Variants in DYNC1LI2 observed in about 807,000 individuals in gnomAD.
DYNC1LI2 encodes the protein dynein cytoplasmic 1 light intermediate chain 2.
Under a neutral mutation model 57.8 loss-of-function variants are expected in DYNC1LI2, and 19 were observed. The observed-to-expected ratio is 0.33, with a 90% CI of 0.23 to 0.48. The LOEUF (loss-of-function observed/expected upper bound fraction) is 0.48, where lower values mean the gene tolerates loss of function less well. Ranked by LOEUF, DYNC1LI2 falls within the 20% of genes least tolerant of loss-of-function variation. DYNC1LI2 has a pLI of 0.99. For synonymous variants in DYNC1LI2, 256 were observed against 233.4 expected (o/e 1.10, Z -0.88); for missense variants, 470 against 604.2 (o/e 0.78, Z 2.33).
chr16:66,741,881 C>G (rs1053754644), intron 4 of DYNC1LI2, among the ~76,000 whole-genome samples: 4 of 134,626 alleles, frequency 3.0e-5, no homozygotes, highest in Non-Finnish European at 6.2e-5. Flanking sequence ...CTTAAAATAA[C>G]CTTTCATGTT....
chr16:66,743,321 T>G (rs2017874872), intron 3 of DYNC1LI2, among the ~76,000 whole-genome samples: 1 of 152,004 alleles, frequency 6.6e-6, no homozygotes, highest in African/African-American at 2.4e-5. Context: ...CCCTGCACTT[T>G]GGGAGGCTGA....
intron 4 of DYNC1LI2, among the ~76,000 whole-genome samples, chr16:66,742,104 G>A (rs541860324): frequency 6.6e-6 from 1 of 152,224 alleles, no homozygotes; most frequent in African/African-American, 2.4e-5. Flanking sequence ...CACATCCTCT[G>A]ATGTTAACTC....
chr16:66,737,041 G>T (rs1288610193), intron 4 of DYNC1LI2, among the ~76,000 whole-genome samples: 1 of 152,170 alleles, frequency 6.6e-6, no homozygotes, highest in East Asian at 1.9e-4. Flanking sequence ...GGGAGGCCAG[G>T]GCGGGTGGTT....
chr16:66,734,426 G>A, intron 5 of DYNC1LI2, 115 bp from the exon 6 acceptor site: 1 of 956,244 alleles, frequency 1.0e-6, no homozygotes, highest in Non-Finnish European at 1.6e-6. Context: ...CACAGCTCAG[G>A]GTCCAAGCAT....
intron 11 of DYNC1LI2, among the ~76,000 whole-genome samples, chr16:66,727,292 G>A (rs2017553720): frequency 6.6e-6 from 1 of 152,194 alleles, no homozygotes; most frequent in Non-Finnish European, 1.5e-5. Flanking sequence ...GAGTTGACAT[G>A]GGAGGATCAC....
At position 66,723,539 on chromosome 16, in the gene DYNC1LI2, G is replaced by C; in HGVS notation, c.*183C>G. The C allele has an allele frequency of 1.5e-6, 1 of 673,968 alleles. No homozygotes were observed. Among genetic ancestry groups the C allele is most frequent in the Non-Finnish European group, 2.7e-6 (1 of 376,472 alleles). 41.7% of individuals were successfully genotyped at this position (673,968 alleles called of 1,614,324 possible). Reference sequence around the variant, plus strand: ...TTATCCTTAACAAAGGGTCTGACATGTAACCTTCCTAAATGTGCATTTCAC... The same window carrying C: ...TTATCCTTAACAAAGGGTCTGACATCTAACCTTCCTAAATGTGCATTTCAC... On this transcript the variant is annotated 3_prime_UTR_variant, in exon 13 of 13. Transcript: ENST00000258198.
chr16:66,729,291 C>A (rs999376703), intron 8 of DYNC1LI2, among the ~76,000 whole-genome samples, 192 bp from the exon 9 acceptor site: 6 of 152,220 alleles, frequency 3.9e-5, no homozygotes, highest in Non-Finnish European at 7.3e-5. Flanking sequence ...ATGTAGCCAA[C>A]TGGCATTTTT....
chr16:66,745,919 A>C (rs1386881803), intron 3 of DYNC1LI2, among the ~76,000 whole-genome samples: 1 of 152,072 alleles, frequency 6.6e-6, no homozygotes, highest in Non-Finnish European at 1.5e-5. Context: ...AAGAAAAAAA[A>C]TAAAACAAAA....
At chr16:66,730,821 C>T (rs1405427885) in intron 7 of DYNC1LI2, 1 of 152,326 alleles carries the variant, frequency 6.6e-6, no homozygotes, top group Admixed American at 6.5e-5. Context: ...GCCAGCTCAA[C>T]ATCACAGGGT....
At chr16:66,728,941 CTT>C in intron 9 of DYNC1LI2, 97 bp downstream of exon 9, 1 of 1,254,566 alleles carries the variant, frequency 8.0e-7, no homozygotes, top group Non-Finnish European at 1.2e-6. Context: ...ACTGCAAGCT[CTT>C]TGTGACTTCC....
intron 10 of DYNC1LI2, 91 bp from the exon 11 acceptor site, chr16:66,727,896 T>C (rs139828808): frequency 4.0e-5 from 48 of 1,185,368 alleles, no homozygotes; most frequent in Non-Finnish European, 5.6e-5. Context: ...TGAGGGATAT[T>C]TTTCACAGGC....
rs1345886736 is a variant in DYNC1LI2, at chr16:66,734,031, C to G, written c.793+187G>C. On this transcript the variant is annotated intron_variant, in intron 6 of 12. Coordinates refer to ENST00000258198, the MANE Select transcript of DYNC1LI2 (RefSeq NM_006141.3). Reference sequence around the variant, plus strand: ...ACAAACAAACAAATAAATGAGTGATCAAAGGTAGACACAAGTTAATAAACC... The same window carrying G: ...ACAAACAAACAAATAAATGAGTGATGAAAGGTAGACACAAGTTAATAAACC... 1.4e-5 allele frequency: 8 copies of G among 556,260 alleles called. No individual in the cohort carries two copies. The African/African-American group carries it at 1.5e-4, about 11-fold the overall frequency. 34.5% of individuals were successfully genotyped at this position (556,260 alleles called of 1,614,324 possible).
intron 3 of DYNC1LI2, among the ~76,000 whole-genome samples, chr16:66,743,951 A>C (rs985354249): frequency 6.6e-6 from 1 of 152,252 alleles, no homozygotes; most frequent in Non-Finnish European, 1.5e-5. Context: ...TCCTTATGGC[A>C]GTATACATAG....
chr16:66,734,176 G>A, intron 6 of DYNC1LI2, 42 bp downstream of exon 6: 2 of 1,598,016 alleles, frequency 1.3e-6, no homozygotes, highest in Non-Finnish European at 1.7e-6. Context: ...CCATTTGGAA[G>A]AAAGCCTGTG....
chr16:66,749,204 G>A lies in DYNC1LI2; in HGVS notation c.291C>T (p.Asp97=). 1 of 1,614,112 alleles carries A rather than the reference G, an allele frequency of 6.2e-7. No homozygotes were observed. Among genetic ancestry groups the A allele is most frequent in the Non-Finnish European group, 8.5e-7 (1 of 1,179,976 alleles). ...GACCAATGCTTCACTCACCATCTCG[G>A]TCCTCATCATGGACACTGAGGTAGA... The part of the protein sequence containing the change: ...EYLYLSVHDE[D]RDDHTRCNVW... The change falls in exon 3 of 13, where the codon GAC becomes GAT. Residue 97 remains aspartate, a synonymous_variant. Transcript: ENST00000258198.
chr16:66,734,412 A>G lies in DYNC1LI2; in HGVS notation c.700-101T>C, dbSNP rs2017693908. Reference sequence around the variant, plus strand: ...TAAAGTATTGTGGCTCCAAAGAAGAAAGCCACAGCTCAGGGTCCAAGCATT... The same window carrying G: ...TAAAGTATTGTGGCTCCAAAGAAGAGAGCCACAGCTCAGGGTCCAAGCATT... On this transcript the variant is annotated intron_variant, in intron 5 of 12. Transcript: ENST00000258198. 4.4e-6 allele frequency: 5 copies of G among 1,123,924 alleles called. No individual in the cohort carries two copies. In the Admixed American group the frequency reaches 8.5e-5, roughly 19 times the overall value. The allele number at this position is 1,123,924 out of a possible 1,614,324, so 69.6% of individuals were successfully genotyped here. A position where few individuals can be genotyped will look rare whatever the true frequency, so the allele number is the denominator to read the frequency against.
At chr16:66,729,232 G>A in intron 8 of DYNC1LI2, 133 bp from the exon 9 acceptor site, 1 of 1,002,714 alleles carries the variant, frequency 1.0e-6, no homozygotes, top group Non-Finnish European at 1.6e-6. Flanking sequence ...AGACTGCAGA[G>A]TAATATTTTT....
chr16:66,742,593 G>A lies in DYNC1LI2; in HGVS notation c.374C>T (p.Ala125Val), dbSNP rs779218838. ...GACGAGGGTCTCTGGCAAGGATTCA[G>A]CAGAAACTGCAAATTTCAGCAGGCC... ...HKGLLKFAVS[A>V]ESLPETLVIF... The change falls in exon 4 of 13, where the codon GCT (alanine) becomes GTT (valine). Residue 125 changes from alanine (A) to valine (V), a missense_variant. Transcript: ENST00000258198. 2 of 1,614,220 alleles carry A rather than the reference G, an allele frequency of 1.2e-6. No homozygotes were observed. The highest frequency in any genetic ancestry group is 4.5e-5 in the East Asian group (2 of 44,884).
chr16:66,736,982 T>C (rs7200231), intron 4 of DYNC1LI2, among the ~76,000 whole-genome samples: 76,924 of 152,076 alleles, frequency 0.51, 20,344 homozygotes, highest in African/African-American at 0.64. Context: ...TCATTAGAAA[T>C]GCCTAATGAG....
Sources: allele counts gnomAD v4.1 joint callset (sites outside exome capture counted in the v4.1 genomes callset), GRCh38; gene constraint gnomAD v4.1.1; transcripts MANE v1.5; gene names NCBI Gene and HGNC (gene_info 2026-07-23, HGNC 2026-07-21).